Variants in PPP6C observed in about 807,000 individuals in gnomAD.
PPP6C encodes serine/threonine-protein phosphatase 6 catalytic subunit.
PPP6C carries 11 observed loss-of-function variants against 39.8 expected under a neutral mutation model. That is an observed-to-expected ratio of 0.28 (90% confidence interval 0.17 to 0.46). The LOEUF (loss-of-function observed/expected upper bound fraction) is 0.46, where lower values mean the gene tolerates loss of function less well. PPP6C is among the 20% of genes least tolerant of loss of function. PPP6C has a pLI of 1.00. For synonymous variants in PPP6C, 129 were observed against 130.3 expected, an observed-to-expected ratio of 0.99 and a Z score of 0.07; for missense variants, 211 against 373.9, an observed-to-expected ratio of 0.56 and a Z score of 3.59.
intron 1 of PPP6C, among the ~76,000 whole-genome samples, chr9:125,177,922 GTTTC>G (rs1185579076): frequency 6.6e-6 from 1 of 152,092 alleles, no homozygotes; most frequent in Non-Finnish European, 1.5e-5. Flanking sequence ...TTTCAGGTTG[GTTTC>G]TTTCATTTAG....
chr9:125,174,769 G>A (rs1360502930), intron 1 of PPP6C, among the ~76,000 whole-genome samples: 1 of 151,936 alleles, frequency 6.6e-6, no homozygotes, highest in Non-Finnish European at 1.5e-5. Context: ...AAATAAGCTG[G>A]TCAGTAGAGG....
Position 125,178,676 on chromosome 9 carries a change from C to A in PPP6C, c.76-7496G>T, listed in dbSNP as rs1019765332. Among the ~76,000 whole-genome samples the A allele has an allele frequency of 2.0e-5, 3 of 152,098 alleles. No homozygotes were observed. In the South Asian group the frequency reaches 6.2e-4, roughly 31 times the overall value. On this transcript the variant is annotated intron_variant, in intron 1 of 6. Coordinates refer to ENST00000373547, the MANE Select transcript of PPP6C (RefSeq NM_002721.5). ...TACAGCTACCACAAATGCAGCAAAT[C>A]CCCATTTGAATCTTTGTAATAATGC...
chr9:125,171,482 T>C (rs372508633), intron 1 of PPP6C, among the ~76,000 whole-genome samples: 593 of 32,928 alleles, frequency 0.018, 4 homozygotes, highest in East Asian at 0.034. Flanking sequence ...CACACACATA[T>C]ATATATATAT....
chr9:125,173,029 C>G (rs1412381967), intron 1 of PPP6C, among the ~76,000 whole-genome samples: 1 of 152,130 alleles, frequency 6.6e-6, no homozygotes, highest in South Asian at 2.1e-4. Flanking sequence ...GTAATCCCAG[C>G]ATTTTGGGAG....
intron 1 of PPP6C, among the ~76,000 whole-genome samples, chr9:125,189,259 C>A (rs907749383): frequency 6.6e-6 from 1 of 152,340 alleles, no homozygotes; most frequent in East Asian, 1.9e-4. Flanking sequence ...CTGTCACCTC[C>A]GGTGGAGGCG....
chr9:125,189,444 A>T, intron 1 of PPP6C, 200 bp downstream of exon 1: 2 of 1,394,750 alleles, frequency 1.4e-6, no homozygotes, highest in Non-Finnish European at 1.9e-6. Context: ...CGGGATCCCC[A>T]CTGAGGCAAC....
At chr9:125,154,215 G>A (rs1295378773) in intron 4 of PPP6C, among the ~76,000 whole-genome samples, 2 of 152,174 alleles carry the variant, frequency 1.3e-5, no homozygotes, top group African/African-American at 2.4e-5. Context: ...TCTAAAAAAT[G>A]CATTGTTAGG....
chr9:125,173,578 A>AAAAC (rs1341161600), intron 1 of PPP6C, among the ~76,000 whole-genome samples: 1 of 151,560 alleles, frequency 6.6e-6, no homozygotes, highest in African/African-American at 2.4e-5. Flanking sequence ...ACTCTTTCTC[A>AAAAC]AAACAAACAA....
At chr9:125,168,437 C>G (rs1339271598) in intron 2 of PPP6C, among the ~76,000 whole-genome samples, 2 of 152,234 alleles carry the variant, frequency 1.3e-5, no homozygotes, top group East Asian at 3.9e-4. Flanking sequence ...GCTCAAATCC[C>G]ATGTTTCTGA....
At chr9:125,167,173 G>C (rs2131320902) in intron 2 of PPP6C, among the ~76,000 whole-genome samples, 1 of 151,872 alleles carries the variant, frequency 6.6e-6, no homozygotes, top group South Asian at 2.1e-4. Context: ...AAGAGGCCAG[G>C]AGTTCGAGAC....
chr9:125,174,097 TCCTA>T (rs995030311), intron 1 of PPP6C, among the ~76,000 whole-genome samples: 4 of 152,200 alleles, frequency 2.6e-5, no homozygotes, highest in African/African-American at 9.6e-5. Context: ...GAACCTTCCT[TCCTA>T]CCTGAGACCA....
intron 1 of PPP6C, among the ~76,000 whole-genome samples, chr9:125,187,454 C>A (rs541694669): frequency 2.0e-5 from 3 of 151,654 alleles, no homozygotes; most frequent in South Asian, 2.1e-4. Flanking sequence ...CGGCTAATTT[C>A]TGTGTTTTTA....
intron 4 of PPP6C, among the ~76,000 whole-genome samples, chr9:125,154,396 T>C (rs1836020348): frequency 6.6e-6 from 1 of 152,208 alleles, no homozygotes; most frequent in Non-Finnish European, 1.5e-5. Flanking sequence ...TGGTAAGTAT[T>C]TGTGCAATAG....
chr9:125,147,708 T>C lies in PPP6C; in HGVS notation c.*1965A>G, dbSNP rs1266282247. The C allele has an allele frequency of 6.6e-6, 1 of 151,996 alleles. No individual in the cohort carries two copies. Among genetic ancestry groups the C allele is most frequent in the Non-Finnish European group, 1.5e-5 (1 of 67,986 alleles). The allele number at this position is 151,996 out of a possible 1,614,324, so 9.4% of individuals were successfully genotyped here. ...GATAACAAAAACAACTACATCAATC[T>C]AAGCTAAGGAGTGTCAAACAGGGAG... On this transcript the variant is annotated 3_prime_UTR_variant, in exon 7 of 7. Coordinates refer to ENST00000373547, the MANE Select transcript of PPP6C (RefSeq NM_002721.5).
chr9:125,168,357 G>T (rs940729357), intron 2 of PPP6C, among the ~76,000 whole-genome samples: 1 of 152,114 alleles, frequency 6.6e-6, no homozygotes, highest in African/African-American at 2.4e-5. Context: ...TCCAGAACAG[G>T]CCCCAGAGGA....
rs764840021 is a variant in PPP6C at position 125,149,767 on chromosome 9, T to C, written c.824A>G (p.Lys275Arg). 10 of 1,614,048 alleles carry C rather than the reference T, an allele frequency of 6.2e-6. No homozygotes were observed. The Admixed American group carries it at 8.3e-5, about 13-fold the overall frequency. Residue 275 changes from lysine to arginine, a missense_variant, in exon 7 of 7, where the codon AAA (lysine) becomes AGA (arginine). Physicochemically the swap from Lys to Arg is conservative, Grantham distance 26. This residue lies in a region of PPP6C where 168 missense variants were observed against 342.6 expected (regional missense o/e 0.49). Coordinates refer to ENST00000373547, the MANE Select transcript of PPP6C (RefSeq NM_002721.5). Reference protein sequence around the residue: ...CGNIASIMVFKDVNTREPKLF... With the variant: ...CGNIASIMVFRDVNTREPKLF... ...CTTTGGTTCTCTTGTATTTACATCTTTGAAGACCATGATCGAAGCAATATT... is the reference window on the plus strand; with the variant it reads ...CTTTGGTTCTCTTGTATTTACATCTCTGAAGACCATGATCGAAGCAATATT...
chr9:125,160,306 T>C (rs1424941714), intron 3 of PPP6C, among the ~76,000 whole-genome samples: 1 of 152,158 alleles, frequency 6.6e-6, no homozygotes, highest in Non-Finnish European at 1.5e-5. Flanking sequence ...CAACCCTATC[T>C]ACAGTGGCTT....
intron 2 of PPP6C, among the ~76,000 whole-genome samples, chr9:125,168,238 A>G (rs1284127299): frequency 6.6e-6 from 1 of 152,192 alleles, no homozygotes; most frequent in Non-Finnish European, 1.5e-5. Flanking sequence ...ACCAAGTTGT[A>G]TCTGACACTG....
Position 125,153,498 on chromosome 9 carries a change from T to C in PPP6C, c.669+35A>G, listed in dbSNP as rs373580374. Reference sequence around the variant, plus strand: ...AGTTCTCTATGCAGCCCATTAGCAATCCACAAATTACATTTCCAAAAATGT... The same window carrying C: ...AGTTCTCTATGCAGCCCATTAGCAACCCACAAATTACATTTCCAAAAATGT... On this transcript the variant is annotated intron_variant, in intron 6 of 6. Transcript: ENST00000373547. 242 of 1,589,326 alleles carry C rather than the reference T, an allele frequency of 1.5e-4. 1 individual carries two copies. The highest frequency in any genetic ancestry group is 2.4e-5 in the Non-Finnish European group (28 of 1,161,104).
Sources: gnomAD v4.1 joint callset for allele counts (sites outside exome capture counted in the v4.1 genomes callset) on GRCh38, gnomAD v4.1.1 for gene constraint, gnomAD v4.1.1 regional missense constraint, MANE v1.5 for transcripts, NCBI Gene and HGNC (gene_info 2026-07-23, HGNC 2026-07-21) for gene names.